Variants in WWC2 observed in about 807,000 individuals in gnomAD.
WWC2 encodes WW and C2 domain containing 2, also known as protein WWC2.
A neutral mutation model predicts 138.5 loss-of-function variants in WWC2; 101 were observed. The observed-to-expected ratio is 0.73, with a 90% confidence interval of 0.62 to 0.86. The LOEUF (loss-of-function observed/expected upper bound fraction) is 0.86. Ranked by LOEUF, WWC2 falls within the 40% of genes least tolerant of loss-of-function variation. WWC2 has a pLI of 0.00. For missense variants in WWC2, 1,420 were observed against 1,419.4 expected (o/e 1.00, Z -0.01); for synonymous variants, 558 against 538.4 (o/e 1.04, Z -0.50).
intron 2 of WWC2, among the ~76,000 whole-genome samples, chr4:183,203,299 C>T (rs758238630): frequency 1.3e-5 from 2 of 151,500 alleles, no homozygotes; most frequent in East Asian, 3.9e-4. Flanking sequence ...CCCTCCTTTT[C>T]CTGTTTAGTT....
At position 183,315,709 on chromosome 4, in the gene WWC2, C is replaced by A; in HGVS notation, c.3559C>A (p.Leu1187Met). ...CAGAGCAAAGATAAGCATCCCATCC[C>A]TGCCAGCTGATGATGTGTGATTACA... ...FTRAKISIPS[L>M]PADDV Residue 1187 changes from leucine to methionine, a missense_variant, in exon 23 of 23, where the codon CTG (leucine) becomes ATG (methionine). By Grantham distance (15) the Leu-to-Met change is conservative. Coordinates refer to ENST00000403733, the MANE Select transcript of WWC2 (RefSeq NM_024949.6). 6.2e-7 allele frequency: 1 copy of A among 1,613,368 alleles called. No homozygotes were observed. Among genetic ancestry groups the A allele is most frequent in the South Asian group, 1.1e-5 (1 of 90,940 alleles).
chr4:183,314,859 T>G (rs1739382081), intron 22 of WWC2, among the ~76,000 whole-genome samples: 1 of 152,152 alleles, frequency 6.6e-6, no homozygotes, highest in Non-Finnish European at 1.5e-5. Flanking sequence ...CACTCCTCCT[T>G]TTCTTCTCTA....
intron 5 of WWC2, chr4:183,240,763 G>T (rs1736592154): frequency 6.6e-6 from 1 of 152,384 alleles, no homozygotes; most frequent in South Asian, 2.1e-4. Context: ...AGCAAGTTAG[G>T]ATTATTAGCA....
chr4:183,261,038 G>A lies in WWC2; in HGVS notation c.1415G>A (p.Ser472Asn). The A allele has an allele frequency of 6.2e-7, 1 of 1,614,004 alleles. No individual in the cohort carries two copies. Among genetic ancestry groups the A allele is most frequent in the Non-Finnish European group, 8.5e-7 (1 of 1,179,900 alleles). Residue 472 changes from serine (S) to asparagine (N), a missense_variant, in exon 11 of 23, where the codon AGC (serine) becomes AAC (asparagine). Physicochemically the swap from Ser to Asn is conservative, Grantham distance 46. Transcript: ENST00000403733. ...NSLSSTELYY[S>N]SQSDQIDVDY... ...CTCAGTTCCACCGAACTCTATTACA[G>A]CAGTCAAAGTGATCAGATAGATGTG...
At chr4:183,280,229 G>GTTTTGTT (rs1738018921) in intron 16 of WWC2, among the ~76,000 whole-genome samples, 1 of 65,430 alleles carries the variant, frequency 1.5e-5, no homozygotes, top group Non-Finnish European at 2.7e-5. Flanking sequence ...GATAGCAGCT[G>GTTTTGTT]TTTTTTTTTT....
chr4:183,198,931 A>G (rs1422569439), intron 2 of WWC2, among the ~76,000 whole-genome samples: 2 of 151,362 alleles, frequency 1.3e-5, no homozygotes, highest in East Asian at 3.9e-4. Context: ...TTCTTGGGGT[A>G]TTGGTAAAGA....
intron 1 of WWC2, among the ~76,000 whole-genome samples, chr4:183,115,402 C>T (rs1732378043): frequency 6.6e-6 from 1 of 152,126 alleles, no homozygotes; most frequent in Non-Finnish European, 1.5e-5. Flanking sequence ...AAAGGGATTG[C>T]TCGGTTGGAT....
At chr4:183,186,284 T>C (rs1223539554) in intron 1 of WWC2, among the ~76,000 whole-genome samples, 1 of 152,190 alleles carries the variant, frequency 6.6e-6, no homozygotes, top group African/African-American at 2.4e-5. Context: ...TTGCAGATAC[T>C]ATATCTGGAT....
Position 183,289,433 on chromosome 4 carries a change from G to C in WWC2, c.3182G>C (p.Cys1061Ser). Residue 1061 changes from cysteine to serine, a missense_variant, in exon 21 of 23, where the codon TGC becomes TCC. Cys to Ser is a moderately radical substitution (Grantham distance 112). Transcript: ENST00000403733. Reference protein sequence around the residue: ...QSVLRRTTQECPVRTSLDLEL... With the variant: ...QSVLRRTTQESPVRTSLDLEL... ...GTCCTTAGAAGAACAACACAGGAAT[G>C]CCCAGTGCGGACATCTCTAGACTTA... The C allele has an allele frequency of 6.2e-7, 1 of 1,612,274 alleles. No homozygotes were observed.
At chr4:183,138,235 T>C (rs1367161641) in intron 1 of WWC2, among the ~76,000 whole-genome samples, 1 of 152,284 alleles carries the variant, frequency 6.6e-6, no homozygotes, top group Admixed American at 6.5e-5. Context: ...ACAGGCTCTT[T>C]CTTTTTGCAG....
chr4:183,115,023 C>T (rs1732366267), intron 1 of WWC2, among the ~76,000 whole-genome samples: 1 of 152,138 alleles, frequency 6.6e-6, no homozygotes, highest in South Asian at 2.1e-4. Flanking sequence ...TCACCCTCCT[C>T]CCACCTTCCA....
chr4:183,151,721 G>T (rs1036807114), intron 1 of WWC2, among the ~76,000 whole-genome samples: 7 of 152,114 alleles, frequency 4.6e-5, no homozygotes, highest in African/African-American at 1.4e-4. Flanking sequence ...TTTGTATAAG[G>T]TGTAAGGAAG....
chr4:183,153,067 A>G (rs1733691403), intron 1 of WWC2, among the ~76,000 whole-genome samples: 1 of 151,954 alleles, frequency 6.6e-6, no homozygotes, highest in Non-Finnish European at 1.5e-5. Context: ...AGCTAATTAA[A>G]AAAATATATA....
At chr4:183,281,002 T>TAAA in intron 17 of WWC2, 105 bp downstream of exon 17, 3 of 1,413,926 alleles carry the variant, frequency 2.1e-6, no homozygotes, top group Non-Finnish European at 1.9e-6. Flanking sequence ...AATGATGGAA[T>TAAA]GCACTGCACC....
At chr4:183,248,009 T>G (rs562738339) in intron 6 of WWC2, among the ~76,000 whole-genome samples, 88 of 152,094 alleles carry the variant, frequency 5.8e-4, no homozygotes, top group African/African-American at 2.1e-3. Flanking sequence ...GATTAGTCTT[T>G]CCTTTTCAAT....
intron 3 of WWC2, among the ~76,000 whole-genome samples, chr4:183,208,363 A>G (rs1243665384): frequency 6.6e-6 from 1 of 152,220 alleles, no homozygotes; most frequent in Non-Finnish European, 1.5e-5. Flanking sequence ...GGGGTTATGC[A>G]TGCCTTCTGT....
At chr4:183,269,567 T>C in intron 15 of WWC2, 1 of 466,488 alleles carries the variant, frequency 2.1e-6, no homozygotes, top group Non-Finnish European at 4.4e-6. Flanking sequence ...AAATGGATGA[T>C]TATCCACTAT....
chr4:183,168,628 C>T (rs530779497), intron 1 of WWC2, among the ~76,000 whole-genome samples: 27 of 152,164 alleles, frequency 1.8e-4, no homozygotes, highest in Non-Finnish European at 3.2e-4. Context: ...TCAATGTCTG[C>T]GTCTTGACTG....
intron 1 of WWC2, among the ~76,000 whole-genome samples, chr4:183,158,484 T>C (rs1733868399): frequency 6.6e-6 from 1 of 151,710 alleles, no homozygotes; most frequent in African/African-American, 2.4e-5. Context: ...TGTCTGTGGG[T>C]CTGTGTCCTG....
Sources: allele counts gnomAD v4.1 joint callset (sites outside exome capture counted in the v4.1 genomes callset), GRCh38; gene constraint gnomAD v4.1.1; transcripts MANE v1.5; gene names NCBI Gene and HGNC (gene_info 2026-07-23, HGNC 2026-07-21).